The following DYNC1I1 variants were observed in gnomAD, a reference collection of about 807,000 sequenced individuals.
DYNC1I1 encodes dynein cytoplasmic 1 intermediate chain 1, also known as cytoplasmic dynein 1 intermediate chain 1.
DYNC1I1 carries 43 observed loss-of-function variants against 86.6 expected under a neutral mutation model. That is an observed-to-expected ratio of 0.50 (90% confidence interval 0.39 to 0.64). DYNC1I1 has a LOEUF of 0.64. Ranked by LOEUF, DYNC1I1 falls within the 30% of genes least tolerant of loss-of-function variation. The pLI is 0.00. For missense variants in DYNC1I1, 604 were observed against 788.8 expected, an observed-to-expected ratio of 0.77 and a Z score of 2.81; for synonymous variants, 262 against 283.7, an observed-to-expected ratio of 0.92 and a Z score of 0.77.
At chr7:95,955,418 G>A (rs1792685059) in intron 6 of DYNC1I1, among the ~76,000 whole-genome samples, 1 of 152,014 alleles carries the variant, frequency 6.6e-6, no homozygotes, top group Non-Finnish European at 1.5e-5. Context: ...GACCTCCTGG[G>A]TGCAAGCAAT....
intron 10 of DYNC1I1, among the ~76,000 whole-genome samples, chr7:96,004,998 A>G (rs1326666699): frequency 6.6e-6 from 1 of 152,248 alleles, no homozygotes; most frequent in African/African-American, 2.4e-5. Context: ...TGATTTTTAA[A>G]TTATCTAATT....
chr7:95,845,072 C>T (rs1789389865), intron 5 of DYNC1I1, among the ~76,000 whole-genome samples: 1 of 152,196 alleles, frequency 6.6e-6, no homozygotes, highest in Non-Finnish European at 1.5e-5. Flanking sequence ...GAGAGTTGGT[C>T]AGATCAGATC....
At chr7:95,943,995 A>T (rs1375212176) in intron 6 of DYNC1I1, among the ~76,000 whole-genome samples, 1 of 152,222 alleles carries the variant, frequency 6.6e-6, no homozygotes, top group East Asian at 1.9e-4. Context: ...CACCAAAAGC[A>T]ATGGCAACAA....
intron 5 of DYNC1I1, among the ~76,000 whole-genome samples, chr7:95,828,819 T>C (rs935592038): frequency 1.3e-5 from 2 of 152,110 alleles, no homozygotes; most frequent in Non-Finnish European, 2.9e-5. Flanking sequence ...CGTTGTAGGA[T>C]TGGAGTTAGC....
intron 6 of DYNC1I1, among the ~76,000 whole-genome samples, chr7:95,936,338 G>A (rs1792039698): frequency 6.6e-6 from 1 of 151,942 alleles, no homozygotes; most frequent in South Asian, 2.1e-4. Context: ...CCCTGGACTT[G>A]CATTGATGAT....
intron 6 of DYNC1I1, among the ~76,000 whole-genome samples, chr7:95,916,094 A>C (rs910431404): frequency 6.6e-6 from 1 of 152,200 alleles, no homozygotes; most frequent in African/African-American, 2.4e-5. Flanking sequence ...TTCTGTCTGA[A>C]CTGCTTAACA....
intron 6 of DYNC1I1, among the ~76,000 whole-genome samples, chr7:95,925,747 T>C (rs1361124288): frequency 6.6e-6 from 1 of 152,182 alleles, no homozygotes; most frequent in Non-Finnish European, 1.5e-5. Context: ...CATTTGTGCT[T>C]AAACTTGGAT....
In DYNC1I1 at chr7:96,048,479, C is replaced by T. The variant is rs73232548; in HGVS notation, c.1509+9058C>T. Among the ~76,000 whole-genome samples, 822 of 152,252 alleles carry T rather than the reference C, an allele frequency of 5.4e-3. 3 individuals carry two copies. The highest frequency in any genetic ancestry group is 0.01 in the Middle Eastern group (3 of 294). On this transcript the variant is annotated intron_variant, in intron 14 of 16. Coordinates refer to ENST00000447467, the MANE Select transcript of DYNC1I1 (RefSeq NM_001135556.2). ...CCTGGGGCTTATTAGAGATGCAAAC[C>T]GTCTGGGCCCCACCCCAGACCTTCT...
chr7:96,076,016 C>T, intron 14 of DYNC1I1, 41 bp from the exon 15 acceptor site: 1 of 1,598,432 alleles, frequency 6.3e-7, no homozygotes, highest in Non-Finnish European at 8.6e-7. Context: ...CCCGAGGCAG[C>T]AGCAGCGCCA....
chr7:95,866,520 A>G (rs753744353), intron 5 of DYNC1I1, among the ~76,000 whole-genome samples: 1 of 152,184 alleles, frequency 6.6e-6, no homozygotes, highest in Non-Finnish European at 1.5e-5. Flanking sequence ...AAAATTTCTT[A>G]ACATCACTTG....
At chr7:95,883,221 A>G (rs1008331846) in intron 6 of DYNC1I1, among the ~76,000 whole-genome samples, 16 of 152,184 alleles carry the variant, frequency 1.1e-4, no homozygotes, top group African/African-American at 3.6e-4. Context: ...AGACCTCACA[A>G]TTGCTCATTT....
intron 6 of DYNC1I1, among the ~76,000 whole-genome samples, chr7:95,905,791 T>C (rs1456087505): frequency 6.6e-6 from 1 of 152,104 alleles, no homozygotes; most frequent in Non-Finnish European, 1.5e-5. Context: ...TAAGTCCCAC[T>C]CTCACCTTTG....
intron 5 of DYNC1I1, among the ~76,000 whole-genome samples, chr7:95,861,807 C>A (rs950918755): frequency 4.6e-5 from 7 of 152,080 alleles, no homozygotes; most frequent in Non-Finnish European, 1.0e-4. Context: ...TTTCATAACC[C>A]CTGGGAAACT....
intron 9 of DYNC1I1, among the ~76,000 whole-genome samples, chr7:95,991,519 C>T (rs1281139663): frequency 6.6e-6 from 1 of 152,186 alleles, no homozygotes; most frequent in Non-Finnish European, 1.5e-5. Flanking sequence ...TGTCCTTATC[C>T]AGACCCCTTT....
intron 2 of DYNC1I1, among the ~76,000 whole-genome samples, chr7:95,805,189 A>G (rs555624796): frequency 1.3e-5 from 2 of 152,206 alleles, no homozygotes; most frequent in African/African-American, 4.8e-5. Flanking sequence ...ACAATAATGC[A>G]TTTATTTTGT....
chr7:95,892,289 G>T (rs1423900348), intron 6 of DYNC1I1, among the ~76,000 whole-genome samples: 2 of 150,934 alleles, frequency 1.3e-5, no homozygotes. Flanking sequence ...AGCACACACT[G>T]GCCCACGCCA....
rs1452546148 is a variant in DYNC1I1, at chr7:96,097,715, A to G, written c.*122A>G. Reference sequence around the variant, plus strand: ...GTATTGCTGTGATATTTTGGGTGCCATATTGTGCCAGCTTTGCTCCAAGTA... The same window carrying G: ...GTATTGCTGTGATATTTTGGGTGCCGTATTGTGCCAGCTTTGCTCCAAGTA... On this transcript the variant is annotated 3_prime_UTR_variant, in exon 17 of 17. Transcript: ENST00000447467. 9 of 1,442,356 alleles carry G rather than the reference A, an allele frequency of 6.2e-6. No individual in the cohort carries two copies. Among genetic ancestry groups the G allele is most frequent in the Non-Finnish European group, 8.3e-6 (9 of 1,088,286 alleles). The allele number at this position is 1,442,356 out of a possible 1,614,324, so 89.3% of individuals were successfully genotyped here.
Position 96,079,058 on chromosome 7 carries a change from A to G in DYNC1I1, c.1651-1305A>G, listed in dbSNP as rs992274510. Among the ~76,000 whole-genome samples the G allele has an allele frequency of 1.8e-4, 27 of 152,010 alleles. 1 individual carries two copies. Among genetic ancestry groups the G allele is most frequent in the East Asian group, 1.9e-4 (1 of 5,200 alleles). The stretch of plus-strand genomic sequence containing the variant: ...TTTTGTTTTTTTGCTCACAATTGAC[A>G]TACAGTGATTTAAGCGGGTGAAAGA... On this transcript the variant is annotated intron_variant, in intron 15 of 16. Coordinates refer to ENST00000447467, the MANE Select transcript of DYNC1I1 (RefSeq NM_001135556.2).
intron 6 of DYNC1I1, among the ~76,000 whole-genome samples, chr7:95,951,169 G>A (rs968429446): frequency 6.6e-5 from 10 of 152,156 alleles, no homozygotes; most frequent in African/African-American, 1.9e-4. Flanking sequence ...TTCTTTTTAA[G>A]CAGTGTATTT....
Sources: gnomAD v4.1 joint callset for allele counts (sites outside exome capture counted in the v4.1 genomes callset) on GRCh38, gnomAD v4.1.1 for gene constraint, MANE v1.5 for transcripts, NCBI Gene and HGNC (gene_info 2026-07-23, HGNC 2026-07-21) for gene names.